The following FHIP2A variants were observed in gnomAD, a reference collection of about 807,000 sequenced individuals.
FHIP2A encodes family with sequence similarity 160 member B1.
In FHIP2A, 46 loss-of-function variants were observed where a neutral mutation model predicts 93.5. That is an observed-to-expected ratio of 0.49 (90% CI 0.39 to 0.63). The LOEUF (loss-of-function observed/expected upper bound fraction) is 0.63. Ranked by LOEUF, FHIP2A falls within the 20% of genes least tolerant of loss-of-function variation. FHIP2A has a pLI of 0.00. For missense variants in FHIP2A, 769 were observed against 909.7 expected, an observed-to-expected ratio of 0.85 and a Z score of 1.99; for synonymous variants, 332 against 326.5, an observed-to-expected ratio of 1.02 and a Z score of -0.18.
At chr10:114,883,876 G>T (rs576479105) in intron 16 of FHIP2A, among the ~76,000 whole-genome samples, 1 of 152,074 alleles carries the variant, frequency 6.6e-6, no homozygotes, top group Non-Finnish European at 1.5e-5. Context: ...CACCATGCCC[G>T]GCCGATATAC....
At position 114,843,935 on chromosome 10, in the gene FHIP2A, G is replaced by T; in HGVS notation, c.1011G>T (p.Trp337Cys). 6.4e-7 allele frequency: 1 copy of T among 1,560,636 alleles called. No homozygotes were observed. The highest frequency in any genetic ancestry group is 8.6e-7 in the Non-Finnish European group (1 of 1,161,330). The change falls in exon 7 of 17, where the codon TGG becomes TGT. Residue 337 changes from tryptophan to cysteine, a missense_variant and splice_region_variant. Transcript: ENST00000369248. ...TTGAAACCGTGGAAGCAATTAACTG[G>T]GGGTAAGCACCGTTACTTGTATTTT... ...LDIETVEAIN[W>C]GLDSYSHKED...
At chr10:114,887,046 G>A (rs2083946731) in intron 16 of FHIP2A, among the ~76,000 whole-genome samples, 1 of 152,162 alleles carries the variant, frequency 6.6e-6, no homozygotes, top group African/African-American at 2.4e-5. Context: ...CAACTCAAAG[G>A]CCATGATTCC....
intron 16 of FHIP2A, among the ~76,000 whole-genome samples, chr10:114,875,871 GAA>G (rs2083884468): frequency 1.1e-5 from 1 of 93,240 alleles, no homozygotes; most frequent in African/African-American, 4.9e-5. Context: ...GAAAGAAAGA[GAA>G]AGAAAGAAAA....
chr10:114,870,384 T>TAC (rs2083853726), intron 16 of FHIP2A, among the ~76,000 whole-genome samples: 1 of 71,548 alleles, frequency 1.4e-5, no homozygotes, highest in Admixed American at 1.2e-4. Context: ...TTAAATAAAA[T>TAC]ATATATATAT....
intron 12 of FHIP2A, 77 bp downstream of exon 12, chr10:114,847,310 A>G: frequency 5.1e-6 from 7 of 1,369,846 alleles, no homozygotes; most frequent in South Asian, 2.7e-5. Flanking sequence ...ATTTTTTGAG[A>G]TGGAGTCTTG....
chr10:114,881,602 C>T (rs2083917346), intron 16 of FHIP2A, among the ~76,000 whole-genome samples: 2 of 152,172 alleles, frequency 1.3e-5, no homozygotes, highest in Admixed American at 1.3e-4. Flanking sequence ...TTTAGAGAAG[C>T]CTGCTGGGAT....
chr10:114,875,837 G>GAA (rs1555247084), intron 16 of FHIP2A, among the ~76,000 whole-genome samples: 5 of 115,698 alleles, frequency 4.3e-5, no homozygotes, highest in Non-Finnish European at 7.4e-5. Context: ...GAAGGTAAGA[G>GAA]AGAAAGAAAG....
At chr10:114,894,163 T>C (rs550665453) in intron 16 of FHIP2A, among the ~76,000 whole-genome samples, 1 of 152,286 alleles carries the variant, frequency 6.6e-6, no homozygotes, top group African/African-American at 2.4e-5. Context: ...ATTCTTTCAT[T>C]GATAACAGGC....
chr10:114,859,488 C>T (rs1176419322), intron 14 of FHIP2A, among the ~76,000 whole-genome samples: 1 of 152,202 alleles, frequency 6.6e-6, no homozygotes, highest in Non-Finnish European at 1.5e-5. Context: ...CTCCCTCTTC[C>T]CTCCACTGTG....
At chr10:114,843,993 T>C in intron 7 of FHIP2A, 56 bp downstream of exon 7, 1 of 1,358,598 alleles carries the variant, frequency 7.4e-7, no homozygotes, top group Admixed American at 2.7e-5. Context: ...ACCTACATTT[T>C]AAAATCCATT....
At chr10:114,861,171 T>G in intron 15 of FHIP2A, 60 bp from the exon 16 acceptor site, 1 of 1,591,090 alleles carries the variant, frequency 6.3e-7, no homozygotes, top group South Asian at 1.2e-5. Context: ...TCTTTTTAGA[T>G]CCTGAGGTTG....
intron 2 of FHIP2A, 130 bp downstream of exon 2, chr10:114,831,060 G>A (rs1285613061): frequency 1.8e-6 from 1 of 563,038 alleles, no homozygotes; most frequent in Non-Finnish European, 3.0e-6. Context: ...TCTTATCTTT[G>A]TCTTTAAGAT....
intron 5 of FHIP2A, among the ~76,000 whole-genome samples, chr10:114,838,680 GT>G (rs1420504658): frequency 6.6e-6 from 1 of 152,052 alleles, no homozygotes; most frequent in African/African-American, 2.4e-5. Flanking sequence ...TCTGAAACTT[GT>G]TTTCTAAGTG....
At chr10:114,895,338 C>T (rs2083995828) in intron 16 of FHIP2A, among the ~76,000 whole-genome samples, 1 of 152,184 alleles carries the variant, frequency 6.6e-6, no homozygotes, top group Non-Finnish European at 1.5e-5. Context: ...CCTACCAATT[C>T]CTACCACCCT....
At chr10:114,890,947 C>A (rs1287672960) in intron 16 of FHIP2A, among the ~76,000 whole-genome samples, 3 of 151,244 alleles carry the variant, frequency 2.0e-5, no homozygotes, top group Non-Finnish European at 4.4e-5. Flanking sequence ...GTAATCCCAG[C>A]ACTTTGGGGA....
chr10:114,824,191 G>T (rs2083560144), intron 1 of FHIP2A, among the ~76,000 whole-genome samples: 1 of 152,188 alleles, frequency 6.6e-6, no homozygotes, highest in Non-Finnish European at 1.5e-5. Context: ...GTCCCCTACA[G>T]ATACCAACTA....
chr10:114,877,280 G>T (rs2083894136), intron 16 of FHIP2A, among the ~76,000 whole-genome samples: 1 of 152,106 alleles, frequency 6.6e-6, no homozygotes, highest in African/African-American at 2.4e-5. Flanking sequence ...CACTGGGAAC[G>T]GCGCCGCCCG....
chr10:114,889,077 T>C (rs1053617121), intron 16 of FHIP2A, among the ~76,000 whole-genome samples: 23 of 152,220 alleles, frequency 1.5e-4, no homozygotes, highest in African/African-American at 5.5e-4. Context: ...GAGGCTGGTC[T>C]GAAGGAGCTC....
Position 114,861,517 on chromosome 10 carries a change from T to C in FHIP2A, c.2275T>C (p.Tyr759His). 6.2e-7 allele frequency: 1 copy of C among 1,613,720 alleles called. No individual in the cohort carries two copies. The highest frequency in any genetic ancestry group is 1.1e-5 in the South Asian group (1 of 91,066). The change falls in exon 17 of 17, where the codon TAT (tyrosine) becomes CAT (histidine). Residue 759 changes from tyrosine to histidine, a missense_variant. By Grantham distance (83) the Tyr-to-His change is moderately conservative (BLOSUM62 2). Transcript: ENST00000369248. ...KELAAIAFVK[Y>H]HASSTP is the part of the protein sequence containing the mutation. ...GCTGGCGGCAATCGCATTTGTAAAA[T>C]ATCATGCTTCCTCCACACCATAAAT...
Sources: gnomAD v4.1 joint callset for allele counts (sites outside exome capture counted in the v4.1 genomes callset) on GRCh38, gnomAD v4.1.1 for gene constraint, MANE v1.5 for transcripts, NCBI Gene and HGNC (gene_info 2026-07-23, HGNC 2026-07-21) for gene names.